GLG1: variants seen among roughly 807,000 people sequenced by gnomAD.
GLG1 encodes the protein golgi glycoprotein 1, also known as Golgi apparatus protein 1.
In GLG1, 38 loss-of-function variants were observed where a neutral mutation model predicts 160.5. The ratio of observed to expected loss-of-function variants is 0.24; its 90% CI spans 0.18 to 0.31. The LOEUF is 0.31. Among genes scored for constraint, GLG1 ranks in the 10% least tolerant of loss-of-function variants. GLG1 has a pLI of 1.00. For missense variants in GLG1, 1,373 were observed against 1,505.2 expected, an observed-to-expected ratio of 0.91 and a Z score of 1.45; for synonymous variants, 644 against 543.4, an observed-to-expected ratio of 1.19 and a Z score of -2.57.
At chr16:74,460,461 C>T (rs2014745306) in intron 22 of GLG1, among the ~76,000 whole-genome samples, 2 of 152,214 alleles carry the variant, frequency 1.3e-5, no homozygotes, top group South Asian at 4.1e-4. Flanking sequence ...CCGGCCTGAA[C>T]TGACAGTTTC....
chr16:74,452,091 C>A lies in GLG1; in HGVS notation c.*1076G>T. The A allele has an allele frequency of 6.2e-7, 1 of 1,614,128 alleles. No individual in the cohort carries two copies. Among genetic ancestry groups the A allele is most frequent in the South Asian group, 1.1e-5 (1 of 91,086 alleles). ...CTGCCTGTCACATCCTGAGACCACA[C>A]TAAACCTTTATAAGCCATTGTCTCT... is the stretch of plus-strand genomic sequence containing the variant. On this transcript the variant is annotated 3_prime_UTR_variant, in exon 26 of 26. Transcript: ENST00000422840.
intron 1 of GLG1, among the ~76,000 whole-genome samples, chr16:74,604,521 G>A (rs978481245): frequency 4.6e-5 from 7 of 152,178 alleles, no homozygotes; most frequent in Non-Finnish European, 1.0e-4. Flanking sequence ...TAATGGGTAC[G>A]GATAGGAAAA....
intron 4 of GLG1, among the ~76,000 whole-genome samples, chr16:74,503,145 T>C (rs2016471495): frequency 6.6e-6 from 1 of 151,788 alleles, no homozygotes; most frequent in South Asian, 2.1e-4. Flanking sequence ...AGGCTGAGGC[T>C]GCAATGAGCG....
At chr16:74,584,953 A>G (rs1958013897) in intron 1 of GLG1, among the ~76,000 whole-genome samples, 1 of 152,078 alleles carries the variant, frequency 6.6e-6, no homozygotes, top group South Asian at 2.1e-4. Context: ...CACTGGGTAC[A>G]GTGTACAATG....
chr16:74,461,337 T>G (rs2014784364), intron 22 of GLG1, among the ~76,000 whole-genome samples: 1 of 142,414 alleles, frequency 7.0e-6, no homozygotes, highest in South Asian at 2.2e-4. Context: ...CGGGCTAATG[T>G]TTTTTTTTTT....
At position 74,452,789 on chromosome 16, in the gene GLG1, A is replaced by AT. The variant is rs1433599980; in HGVS notation, c.*377dup. ...CTGGAGGAGATGCGTTACTATATAC[A>AT]TTTTTTTCTTTAAAAAAATTTTTTT... On this transcript the variant is annotated 3_prime_UTR_variant, in exon 26 of 26. Transcript: ENST00000422840. The AT allele has an allele frequency of 2.1e-5, 21 of 997,484 alleles. No individual in the cohort carries two copies. Among genetic ancestry groups the AT allele is most frequent in the Non-Finnish European group, 2.5e-5 (21 of 837,240 alleles). The allele number at this position is 997,484 out of a possible 1,614,324, so 61.8% of individuals were successfully genotyped here. A position where few individuals can be genotyped will look rare whatever the true frequency, so the allele number is the denominator to read the frequency against.
chr16:74,482,591 C>T (rs2015642763), intron 10 of GLG1, among the ~76,000 whole-genome samples: 1 of 152,098 alleles, frequency 6.6e-6, no homozygotes, highest in African/African-American at 2.4e-5. Context: ...ACAAAAACCC[C>T]TTAAGACAGA....
At chr16:74,500,528 G>A (rs6564129) in intron 4 of GLG1, among the ~76,000 whole-genome samples, 143,067 of 151,666 alleles carry the variant, frequency 0.94, 67,682 homozygotes, top group East Asian at 1. Context: ...AATAGTAGGC[G>A]AGAACTCAGT....
At chr16:74,519,030 G>T (rs532585770) in intron 2 of GLG1, among the ~76,000 whole-genome samples, 1 of 152,220 alleles carries the variant, frequency 6.6e-6, no homozygotes. Flanking sequence ...AAAGACACAT[G>T]CACATGTATA....
chr16:74,474,461 G>A, intron 13 of GLG1, 85 bp downstream of exon 13: 3 of 764,112 alleles, frequency 3.9e-6, no homozygotes, highest in Non-Finnish European at 4.8e-6. Flanking sequence ...GCACTCTCAG[G>A]AGTCTAGAAA....
intron 1 of GLG1, among the ~76,000 whole-genome samples, chr16:74,570,035 A>G (rs199712240): frequency 2.1e-5 from 3 of 144,202 alleles, no homozygotes; most frequent in Non-Finnish European, 4.6e-5. Context: ...AAAAGGAAAG[A>G]AAAAAAAAAA....
rs778107043 is a variant in GLG1 at position 74,491,064 on chromosome 16, T to C, written c.1386A>G (p.Leu462=). The change falls in exon 8 of 26, where the codon CTA becomes CTG. Residue 462 remains leucine, a synonymous_variant. Coordinates refer to ENST00000422840, the MANE Select transcript of GLG1 (RefSeq NM_001145667.2). ...CSGLHRKGRT[L]HCLMKVVRGE... is the part of the protein sequence containing the mutation. The stretch of plus-strand genomic sequence containing the variant: ...CTCGAACTACTTTCATCAGACAGTG[T>C]AGGGTCCGCCCTTTTCGATGTAATC... 7 of 1,614,072 alleles carry C rather than the reference T, an allele frequency of 4.3e-6. No individual in the cohort carries two copies. The highest frequency in any genetic ancestry group is 1.7e-5 in the Admixed American group (1 of 60,002).
chr16:74,576,174 G>A lies in GLG1; in HGVS notation c.438+30483C>T, dbSNP rs938677404. On this transcript the variant is annotated intron_variant, in intron 1 of 25. Coordinates refer to ENST00000422840, the MANE Select transcript of GLG1 (RefSeq NM_001145667.2). ...ATAGCACCACTGCACTCCAGTCTGC[G>A]CGACAGAGCGAGACTCCTTCTCAAA... Among the ~76,000 whole-genome samples the A allele has an allele frequency of 5.3e-5, 8 of 151,804 alleles. No individual in the cohort carries two copies. In the East Asian group the frequency reaches 9.7e-4, roughly 18 times the overall value.
chr16:74,532,931 T>C (rs2017585222), intron 1 of GLG1, among the ~76,000 whole-genome samples: 1 of 152,182 alleles, frequency 6.6e-6, no homozygotes, highest in African/African-American at 2.4e-5. Flanking sequence ...TGTGAGTCTA[T>C]AATTCATAAC....
chr16:74,465,646 C>T (rs746890235), intron 19 of GLG1, 30 bp downstream of exon 19: 8 of 1,606,486 alleles, frequency 5.0e-6, no homozygotes, highest in Admixed American at 1.7e-5. Context: ...GTTGTTCATC[C>T]GTGCTCGGCC....
At position 74,471,239 on chromosome 16, in the gene GLG1, C is replaced by G; in HGVS notation, c.2163G>C (p.Leu721=). The G allele has an allele frequency of 1.2e-6, 2 of 1,612,572 alleles. No homozygotes were observed. Among genetic ancestry groups the G allele is most frequent in the Non-Finnish European group, 1.7e-6 (2 of 1,178,630 alleles). Residue 721 remains leucine, a synonymous_variant, in exon 15 of 26, where the codon CTG becomes CTC. Transcript: ENST00000422840. ...QIDSGDLMEC[L]IQNKHQKDMN... ...TGTCCTTCTGGTGTTTGTTCTGTATCAGACACTCCATCAGGTCCCCAGAGT... is the reference window on the plus strand; with the variant it reads ...TGTCCTTCTGGTGTTTGTTCTGTATGAGACACTCCATCAGGTCCCCAGAGT...
chr16:74,459,652 A>T, intron 23 of GLG1, 30 bp downstream of exon 23: 1 of 1,065,132 alleles, frequency 9.4e-7, no homozygotes, highest in African/African-American at 1.6e-5. Context: ...AAAAGAAATG[A>T]AGTGAGGAAA....
intron 1 of GLG1, among the ~76,000 whole-genome samples, chr16:74,536,830 T>C (rs1322562823): frequency 3.9e-5 from 6 of 152,220 alleles, no homozygotes; most frequent in Non-Finnish European, 7.3e-5. Context: ...AAAAAACTTC[T>C]TCTCATCATT....
chr16:74,499,901 G>A (rs1352945724), intron 4 of GLG1, among the ~76,000 whole-genome samples: 1 of 152,184 alleles, frequency 6.6e-6, no homozygotes, highest in East Asian at 1.9e-4. Flanking sequence ...CACTCAGGAG[G>A]CTGAGGCAGG....
Sources: gnomAD v4.1 joint callset for allele counts (sites outside exome capture counted in the v4.1 genomes callset) on GRCh38, gnomAD v4.1.1 for gene constraint, MANE v1.5 for transcripts, NCBI Gene and HGNC (gene_info 2026-07-23, HGNC 2026-07-21) for gene names.